The following CNTNAP5 variants were observed in gnomAD, a reference collection of about 807,000 sequenced individuals.
CNTNAP5 encodes the protein contactin-associated protein-like 5.
CNTNAP5 carries 72 observed loss-of-function variants against 150.2 expected under a neutral mutation model. That is an observed-to-expected ratio of 0.48 (90% CI 0.40 to 0.58). The LOEUF (loss-of-function observed/expected upper bound fraction) is 0.58, where lower values mean the gene tolerates loss of function less well. CNTNAP5 is among the 20% of genes least tolerant of loss of function. CNTNAP5 has a pLI of 0.00. For missense variants in CNTNAP5, 1,636 were observed against 1,626.2 expected (o/e 1.01, Z -0.10); for synonymous variants, 672 against 619.8 (o/e 1.08, Z -1.25).
intron 19 of CNTNAP5, among the ~76,000 whole-genome samples, chr2:124,820,140 G>A (rs1223416674): frequency 1.3e-5 from 2 of 152,150 alleles, no homozygotes; most frequent in African/African-American, 4.8e-5. Context: ...CACACCCAGA[G>A]TCAAGCTGTT....
chr2:124,757,775 A>G (rs1042074702), intron 14 of CNTNAP5, among the ~76,000 whole-genome samples: 2 of 152,152 alleles, frequency 1.3e-5, no homozygotes, highest in Non-Finnish European at 2.9e-5. Flanking sequence ...TGAGTCCCCA[A>G]ACCACCAGTA....
At chr2:124,189,254 C>A (rs912077811) in intron 1 of CNTNAP5, among the ~76,000 whole-genome samples, 6 of 152,022 alleles carry the variant, frequency 3.9e-5, no homozygotes, top group African/African-American at 1.4e-4. Context: ...GGGAGATAAA[C>A]AAAGTAAATC....
At chr2:124,731,297 T>A (rs1047868693) in intron 13 of CNTNAP5, among the ~76,000 whole-genome samples, 7 of 152,150 alleles carry the variant, frequency 4.6e-5, no homozygotes, top group Admixed American at 2.0e-4. Flanking sequence ...ACTTGATGCA[T>A]GTAGGTATTT....
chr2:124,809,402 A>G (rs1682156016), intron 19 of CNTNAP5, among the ~76,000 whole-genome samples: 2 of 150,598 alleles, frequency 1.3e-5, no homozygotes, highest in South Asian at 4.2e-4. Context: ...TTATTTATTT[A>G]TTTATTTATT....
rs1693602278 is a variant in CNTNAP5, at chr2:124,474,867, T to C, written c.1047T>C (p.His349=). Residue 349 remains histidine, a synonymous_variant, in exon 7 of 24, where the codon CAT becomes CAC. Transcript: ENST00000682447. ...TTGACCTGGCTAAGAGACGAAAGCA[T>C]CAGATCTATACTGTGGTAAGTCAGC... is the stretch of plus-strand genomic sequence containing the variant. ...NIIDLAKRRK[H]QIYTVGNVTF... 6.2e-7 allele frequency: 1 copy of C among 1,606,816 alleles called. No individual in the cohort carries two copies. The highest frequency in any genetic ancestry group is 1.1e-5 in the South Asian group (1 of 89,518).
chr2:124,917,713 G>T lies in CNTNAP5; in HGVS notation c.*3425G>T, dbSNP rs1196726723. Among the ~76,000 whole-genome samples, 1 of 151,978 alleles carries T rather than the reference G, an allele frequency of 6.6e-6. No individual in the cohort carries two copies. Among genetic ancestry groups the T allele is most frequent in the Non-Finnish European group, 1.5e-5 (1 of 67,978 alleles). Reference sequence around the variant, plus strand: ...TTTTTTCATTCATGAAGTATTTATGGAATGCCAATGAGTGCCGGGCTAGGC... The same window carrying T: ...TTTTTTCATTCATGAAGTATTTATGTAATGCCAATGAGTGCCGGGCTAGGC... On this transcript the variant is annotated 3_prime_UTR_variant, in exon 24 of 24. Coordinates refer to ENST00000682447, the MANE Select transcript of CNTNAP5 (RefSeq NM_001367498.1).
chr2:124,572,061 C>A (rs1014971045), intron 11 of CNTNAP5, among the ~76,000 whole-genome samples: 1 of 152,102 alleles, frequency 6.6e-6, no homozygotes, highest in Non-Finnish European at 1.5e-5. Context: ...TGATGAGTAT[C>A]CCAGATTTTG....
intron 21 of CNTNAP5, among the ~76,000 whole-genome samples, chr2:124,882,158 A>G (rs1677977469): frequency 6.6e-6 from 1 of 152,074 alleles, no homozygotes; most frequent in Admixed American, 6.6e-5. Flanking sequence ...TGCCAGATGA[A>G]CAACTGAGTT....
intron 14 of CNTNAP5, among the ~76,000 whole-genome samples, chr2:124,763,207 T>C (rs1220669877): frequency 6.6e-6 from 1 of 152,056 alleles, no homozygotes; most frequent in Admixed American, 6.6e-5. Flanking sequence ...TAAAAGGTGG[T>C]TAAAAAAAAA....
chr2:124,047,152 C>A (rs143865070), intron 1 of CNTNAP5, among the ~76,000 whole-genome samples: 2 of 152,106 alleles, frequency 1.3e-5, no homozygotes, highest in African/African-American at 4.8e-5. Context: ...GAAACAATAC[C>A]GAGCTATTTA....
chr2:124,744,611 C>A (rs1469867195), intron 13 of CNTNAP5, among the ~76,000 whole-genome samples: 1 of 152,074 alleles, frequency 6.6e-6, no homozygotes, highest in Non-Finnish European at 1.5e-5. Context: ...TAGTATGAAT[C>A]CTTAGTAAAT....
At chr2:124,665,242 C>A (rs1160480367) in intron 13 of CNTNAP5, among the ~76,000 whole-genome samples, 1 of 152,092 alleles carries the variant, frequency 6.6e-6, no homozygotes. Flanking sequence ...CATGGCACAC[C>A]AAAGAAAAAT....
At chr2:124,091,118 G>A (rs1682804040) in intron 1 of CNTNAP5, among the ~76,000 whole-genome samples, 1 of 152,184 alleles carries the variant, frequency 6.6e-6, no homozygotes, top group African/African-American at 2.4e-5. Flanking sequence ...AAACAGCGGA[G>A]TACAGACCAG....
At chr2:124,757,980 A>G (rs1439748347) in intron 14 of CNTNAP5, among the ~76,000 whole-genome samples, 3 of 152,214 alleles carry the variant, frequency 2.0e-5, no homozygotes, top group Non-Finnish European at 4.4e-5. Flanking sequence ...GCAATAAAGT[A>G]TGAATCATGG....
At chr2:124,751,992 G>A (rs1367599644) in intron 14 of CNTNAP5, among the ~76,000 whole-genome samples, 2 of 152,126 alleles carry the variant, frequency 1.3e-5, no homozygotes, top group African/African-American at 2.4e-5. Context: ...TGACTAAGGG[G>A]CAGAGTAGGC....
chr2:124,213,029 C>T (rs975546981), intron 1 of CNTNAP5, among the ~76,000 whole-genome samples: 6 of 151,508 alleles, frequency 4.0e-5, no homozygotes, highest in East Asian at 2.0e-4. Flanking sequence ...TAGTAGAGAC[C>T]GGGTTTCACC....
intron 1 of CNTNAP5, among the ~76,000 whole-genome samples, chr2:124,046,424 C>T (rs890952620): frequency 1.1e-4 from 4 of 36,500 alleles, no homozygotes; most frequent in African/African-American, 3.8e-4. Context: ...GATCTGCTCA[C>T]AAAAGAGAGA....
At chr2:124,610,305 C>T (rs985757545) in intron 12 of CNTNAP5, among the ~76,000 whole-genome samples, 3 of 152,092 alleles carry the variant, frequency 2.0e-5, no homozygotes, top group Non-Finnish European at 2.9e-5. Context: ...AGCTTGATTC[C>T]ACTCTGGCCC....
intron 3 of CNTNAP5, among the ~76,000 whole-genome samples, chr2:124,244,084 T>C (rs967018062): frequency 3.3e-5 from 5 of 152,078 alleles, no homozygotes; most frequent in African/African-American, 1.2e-4. Flanking sequence ...TTGTGCCTAA[T>C]TTTTTTGTTT....
Sources: gnomAD v4.1 joint callset for allele counts (sites outside exome capture counted in the v4.1 genomes callset) on GRCh38, gnomAD v4.1.1 for gene constraint, MANE v1.5 for transcripts, NCBI Gene and HGNC (gene_info 2026-07-23, HGNC 2026-07-21) for gene names.